Variants in KCNIP4 observed in about 807,000 individuals in gnomAD.
KCNIP4 encodes potassium voltage-gated channel interacting protein 4.
In KCNIP4, 12 loss-of-function variants were observed where a neutral mutation model predicts 34.0. The ratio of observed to expected loss-of-function variants is 0.35; its 90% CI spans 0.23 to 0.57. The LOEUF is 0.57. Among genes scored for constraint, KCNIP4 ranks in the 20% least tolerant of loss-of-function variants. KCNIP4 has a pLI of 0.83. For missense variants in KCNIP4, 238 were observed against 311.7 expected (o/e 0.76, Z 1.78); for synonymous variants, 124 against 102.2 (o/e 1.21, Z -1.29).
intron 1 of KCNIP4, among the ~76,000 whole-genome samples, chr4:20,966,868 T>G (rs1734396584): frequency 6.6e-6 from 1 of 152,146 alleles, no homozygotes; most frequent in African/African-American, 2.4e-5. Flanking sequence ...GTATGTGGCT[T>G]GTCTCAAAAT....
chr4:21,711,270 G>A (rs1454308819), intron 1 of KCNIP4, among the ~76,000 whole-genome samples: 1 of 152,168 alleles, frequency 6.6e-6, no homozygotes, highest in Non-Finnish European at 1.5e-5. Context: ...TCAAGAGATT[G>A]AGACCATCCT....
chr4:21,146,833 T>C (rs751699552), intron 1 of KCNIP4, among the ~76,000 whole-genome samples: 2 of 152,182 alleles, frequency 1.3e-5, no homozygotes, highest in African/African-American at 2.4e-5. Flanking sequence ...ATTGAAGTCA[T>C]AGAAAAGCAT....
At chr4:21,458,063 T>A (rs1729115527) in intron 1 of KCNIP4, among the ~76,000 whole-genome samples, 1 of 151,420 alleles carries the variant, frequency 6.6e-6, no homozygotes, top group South Asian at 2.1e-4. Context: ...TACATATGTA[T>A]ACATGTGCCA....
chr4:21,060,223 C>A (rs956293651), intron 1 of KCNIP4, among the ~76,000 whole-genome samples: 1 of 152,008 alleles, frequency 6.6e-6, no homozygotes, highest in Non-Finnish European at 1.5e-5. Flanking sequence ...ACAACTCTGG[C>A]AACTGGTTTG....
At position 21,083,697 on chromosome 4, in the gene KCNIP4, T is replaced by C. The variant is rs111600873; in HGVS notation, c.62-200988A>G. Among the ~76,000 whole-genome samples the C allele has an allele frequency of 1.5e-3, 234 of 151,978 alleles. 1 individual carries two copies. The highest frequency in any genetic ancestry group is 2.8e-3 in the Non-Finnish European group (192 of 67,996). ...AGCCATTAAAAGGAATGTGACCCTA[T>C]TGGCACCTTTAATTCTGGCTTCTGG... On this transcript the variant is annotated intron_variant, in intron 1 of 8. Transcript: ENST00000382152.
chr4:21,908,132 T>C (rs1352804197), intron 1 of KCNIP4, among the ~76,000 whole-genome samples: 1 of 152,156 alleles, frequency 6.6e-6, no homozygotes, highest in Non-Finnish European at 1.5e-5. Flanking sequence ...TTCTATCACT[T>C]TAATGCCTCT....
intron 1 of KCNIP4, among the ~76,000 whole-genome samples, chr4:21,332,896 C>T (rs771920169): frequency 1.3e-5 from 2 of 151,932 alleles, no homozygotes; most frequent in Non-Finnish European, 2.9e-5. Flanking sequence ...TATGGTTTAT[C>T]AAGTATTACC....
intron 1 of KCNIP4, among the ~76,000 whole-genome samples, chr4:21,692,103 G>C (rs925561319): frequency 1.3e-5 from 2 of 152,108 alleles, no homozygotes; most frequent in Non-Finnish European, 2.9e-5. Flanking sequence ...AGTTTACCAC[G>C]TCTAAGACTG....
At chr4:21,745,923 T>C (rs1365077866) in intron 1 of KCNIP4, among the ~76,000 whole-genome samples, 3 of 152,188 alleles carry the variant, frequency 2.0e-5, no homozygotes, top group Admixed American at 6.6e-5. Context: ...TTTGCTATGA[T>C]GCCATAACAA....
intron 1 of KCNIP4, among the ~76,000 whole-genome samples, chr4:21,135,277 A>G (rs990249962): frequency 6.6e-6 from 1 of 152,230 alleles, no homozygotes; most frequent in African/African-American, 2.4e-5. Context: ...TGCTTTCAAA[A>G]TGATATGGAC....
intron 1 of KCNIP4, among the ~76,000 whole-genome samples, chr4:21,282,216 T>C (rs1762820980): frequency 1.3e-5 from 2 of 152,370 alleles, no homozygotes; most frequent in Middle Eastern, 6.8e-3. Context: ...AATTTATATG[T>C]TATTTGTTAT....
chr4:21,540,852 T>A (rs976367185), intron 1 of KCNIP4, among the ~76,000 whole-genome samples: 2 of 152,032 alleles, frequency 1.3e-5, no homozygotes, highest in Non-Finnish European at 2.9e-5. Flanking sequence ...TTTAGAGTGT[T>A]TTAAAGCATC....
chr4:21,307,010 C>A (rs778026905), intron 1 of KCNIP4, among the ~76,000 whole-genome samples: 11 of 152,064 alleles, frequency 7.2e-5, no homozygotes, highest in African/African-American at 2.4e-4. Context: ...TTAGTAGAGA[C>A]GGGGTTTCTC....
At chr4:21,833,305 T>C (rs2109308436) in intron 1 of KCNIP4, among the ~76,000 whole-genome samples, 1 of 152,258 alleles carries the variant, frequency 6.6e-6, no homozygotes. Flanking sequence ...AGATGGTATC[T>C]CATTGTGGTT....
chr4:20,812,417 A>C (rs1177144879), intron 3 of KCNIP4, among the ~76,000 whole-genome samples: 1 of 152,098 alleles, frequency 6.6e-6, no homozygotes, highest in African/African-American at 2.4e-5. Context: ...GACTGGGAGG[A>C]AGCAGCAGGA....
chr4:21,555,355 C>T (rs1008983012), intron 1 of KCNIP4, among the ~76,000 whole-genome samples: 1 of 152,052 alleles, frequency 6.6e-6, no homozygotes, highest in African/African-American at 2.4e-5. Flanking sequence ...ATCTGTGAAC[C>T]ATCCCACAAA....
At chr4:21,376,521 A>C (rs1392937419) in intron 1 of KCNIP4, among the ~76,000 whole-genome samples, 1 of 152,192 alleles carries the variant, frequency 6.6e-6, no homozygotes, top group Non-Finnish European at 1.5e-5. Context: ...CATTCAAGTT[A>C]GCTAGTTACT....
chr4:21,900,329 A>C (rs1727634940), intron 1 of KCNIP4, among the ~76,000 whole-genome samples: 1 of 152,198 alleles, frequency 6.6e-6, no homozygotes, highest in South Asian at 2.1e-4. Context: ...AGAAAACCAG[A>C]GTGTCCTATC....
chr4:20,881,283 C>T (rs531655456), intron 2 of KCNIP4, among the ~76,000 whole-genome samples: 1 of 152,194 alleles, frequency 6.6e-6, no homozygotes, highest in East Asian at 1.9e-4. Context: ...TCCATATTTT[C>T]TCATTTGTGT....
Sources: gnomAD v4.1 joint callset for allele counts (sites outside exome capture counted in the v4.1 genomes callset) on GRCh38, gnomAD v4.1.1 for gene constraint, MANE v1.5 for transcripts, NCBI Gene and HGNC (gene_info 2026-07-23, HGNC 2026-07-21) for gene names.